Variants in MTMR10 observed in about 807,000 individuals in gnomAD.
MTMR10 encodes myotubularin related protein 10, also known as myotubularin-related protein 10.
A neutral mutation model predicts 88.1 loss-of-function variants in MTMR10; 56 were observed. That is an observed-to-expected ratio of 0.64 (90% confidence interval 0.51 to 0.79). MTMR10 has a LOEUF of 0.79. MTMR10 is among the 30% of genes least tolerant of loss of function. MTMR10 has a pLI of 0.00. For missense variants in MTMR10, 883 were observed against 924.7 expected (o/e 0.95, Z 0.58); for synonymous variants, 380 against 340.9 (o/e 1.11, Z -1.26).
chr15:30,948,247 AATTTT>A, intron 13 of MTMR10, 50 bp downstream of exon 13: 1 of 1,498,580 alleles, frequency 6.7e-7, no homozygotes, highest in African/African-American at 1.4e-5. Flanking sequence ...TAATGACACA[AATTTT>A]ATTTTGTGTA....
At chr15:30,962,816 C>G (rs868770286) in intron 6 of MTMR10, among the ~76,000 whole-genome samples, 24 of 152,380 alleles carry the variant, frequency 1.6e-4, no homozygotes, top group Middle Eastern at 3.4e-3. Flanking sequence ...AGTCCCCTAA[C>G]TCTCGCTGCA....
chr15:30,920,778 C>A, the MTMR10 span: 1 of 586,682 alleles, frequency 1.7e-6, no homozygotes, highest in Non-Finnish European at 3.0e-6. Flanking sequence ...ATAATGGAGG[C>A]ATATTTGTTT....
chr15:30,942,844 T>C (rs1003256815), intron 15 of MTMR10, 46 bp downstream of exon 15: 2 of 1,496,432 alleles, frequency 1.3e-6, no homozygotes, highest in Admixed American at 4.3e-5. Flanking sequence ...AAAGAGGTGT[T>C]TGGTTACGTG....
intron 6 of MTMR10, among the ~76,000 whole-genome samples, chr15:30,966,940 T>C (rs1373159191): frequency 1.3e-5 from 2 of 150,794 alleles, no homozygotes; most frequent in African/African-American, 4.9e-5. Flanking sequence ...CTTATACACA[T>C]GCATCTTCAG....
At chr15:30,962,932 T>C (rs913448691) in intron 6 of MTMR10, among the ~76,000 whole-genome samples, 2 of 152,132 alleles carry the variant, frequency 1.3e-5, no homozygotes, top group Non-Finnish European at 2.9e-5. Context: ...GAGGTAGGCA[T>C]GCTAGACAGA....
At chr15:30,960,045 A>G (rs2063380429) in intron 7 of MTMR10, among the ~76,000 whole-genome samples, 1 of 152,236 alleles carries the variant, frequency 6.6e-6, no homozygotes, top group South Asian at 2.1e-4. Context: ...ACTGTGTTAC[A>G]GGGCACTAAA....
the MTMR10 span, chr15:30,925,998 G>T: frequency 3.8e-6 from 6 of 1,567,634 alleles, no homozygotes; most frequent in Admixed American, 3.4e-5. Context: ...CAGCAGCACT[G>T]GATGGGCTGT....
At chr15:30,952,818 C>T (rs1421191937) in intron 11 of MTMR10, among the ~76,000 whole-genome samples, 8 of 151,934 alleles carry the variant, frequency 5.3e-5, no homozygotes, top group African/African-American at 9.7e-5. Flanking sequence ...GAGATGGAGA[C>T]TTGCTCTATC....
At chr15:30,984,373 T>G (rs1002673679) in intron 2 of MTMR10, among the ~76,000 whole-genome samples, 6 of 152,184 alleles carry the variant, frequency 3.9e-5, no homozygotes, top group African/African-American at 1.4e-4. Context: ...AGTTACACTG[T>G]TCACTGTTCT....
chr15:30,930,446 A>G, the MTMR10 span: 2 of 1,423,760 alleles, frequency 1.4e-6, 1 homozygote, highest in South Asian at 2.9e-5. Context: ...ACTGAATTAC[A>G]TATACACTGA....
At chr15:30,952,060 C>T (rs2955789) in intron 11 of MTMR10, 22 bp from the exon 12 acceptor site, 1,342,429 of 1,601,754 alleles carry the variant, frequency 0.84, 563,860 homozygotes, top group East Asian at 0.96. Flanking sequence ...AAAGGAAAAG[C>T]AGTGTTAAAA....
Position 30,938,986 on chromosome 15 carries a change from A to G in MTMR10, c.*2484T>C. On this transcript the variant is annotated 3_prime_UTR_variant, in exon 16 of 16. Transcript: ENST00000435680. ...ATTAAGCCATCAAAATTTCCTTCACATTCAATACTGTTGAACAACAAGATA... is the reference window on the plus strand; with the variant it reads ...ATTAAGCCATCAAAATTTCCTTCACGTTCAATACTGTTGAACAACAAGATA... The G allele has an allele frequency of 1.0e-6, 1 of 985,272 alleles. No individual in the cohort carries two copies. The highest frequency in any genetic ancestry group is 1.2e-6 in the Non-Finnish European group (1 of 829,822). The allele number at this position is 985,272 out of a possible 1,614,324, so 61.0% of individuals were successfully genotyped here.
chr15:30,954,345 T>A (rs1382687932), intron 10 of MTMR10, among the ~76,000 whole-genome samples: 1 of 152,156 alleles, frequency 6.6e-6, no homozygotes, highest in East Asian at 1.9e-4. Context: ...ACCTGGTACG[T>A]TTGCTCAGAT....
chr15:30,955,088 T>C lies in MTMR10; in HGVS notation c.936-195A>G, dbSNP rs532354567. ...TAGTTTTAGAGACTATTCCATCAGG[T>C]TTCTCTGCATGATTTTTCTGTATTC... is the stretch of plus-strand genomic sequence containing the variant. On this transcript the variant is annotated intron_variant, in intron 9 of 15. Coordinates refer to ENST00000435680, the MANE Select transcript of MTMR10 (RefSeq NM_017762.3). Among the ~76,000 whole-genome samples, 6 of 152,074 alleles carry C rather than the reference T, an allele frequency of 3.9e-5. No individual in the cohort carries two copies. The South Asian group carries it at 1.3e-3, about 32-fold the overall frequency.
At chr15:30,988,443 C>T (rs1424669908) in intron 2 of MTMR10, among the ~76,000 whole-genome samples, 3 of 152,124 alleles carry the variant, frequency 2.0e-5, no homozygotes, top group East Asian at 3.8e-4. Context: ...TCAGAGAATT[C>T]CTTAATGGGC....
At chr15:30,951,910 G>C in intron 12 of MTMR10, 58 bp downstream of exon 12, 1 of 1,453,254 alleles carries the variant, frequency 6.9e-7, no homozygotes, top group Non-Finnish European at 9.7e-7. Flanking sequence ...GGGACAAGCA[G>C]TAAACCAAGG....
At chr15:30,982,119 G>GA (rs886400395) in intron 2 of MTMR10, among the ~76,000 whole-genome samples, 16 of 151,056 alleles carry the variant, frequency 1.1e-4, no homozygotes, top group African/African-American at 3.6e-4. Flanking sequence ...AAATTCAATA[G>GA]AAAAAAACAC....
rs377097078 is a variant in MTMR10, at chr15:30,960,886, G to A, written c.753C>T (p.Ser251=). The change falls in exon 7 of 16, where the codon TCC becomes TCT. Residue 251 remains serine, a synonymous_variant. Transcript: ENST00000435680. The part of the protein sequence containing the change: ...VCSINEGYMI[S]TCLPEYIVVP... ...ATTGCTAAAATTGTACTTACCAAGT[G>A]GATATCATGTAACCCTCGTTAATAG... The A allele has an allele frequency of 6.3e-6, 10 of 1,595,300 alleles. No homozygotes were observed. In the African/African-American group the frequency reaches 1.1e-4, roughly 17 times the overall value.
chr15:30,923,491 G>A, the MTMR10 span, among the ~76,000 whole-genome samples: 1 of 152,212 alleles, frequency 6.6e-6, no homozygotes, highest in Non-Finnish European at 1.5e-5. Flanking sequence ...CCTAACCTCT[G>A]TTTCCAGAGG....
Sources: gnomAD v4.1 joint callset for allele counts (sites outside exome capture counted in the v4.1 genomes callset) on GRCh38, gnomAD v4.1.1 for gene constraint, MANE v1.5 for transcripts, NCBI Gene and HGNC (gene_info 2026-07-23, HGNC 2026-07-21) for gene names.